Variants in TDRD9 observed in about 807,000 individuals in gnomAD.
The protein encoded by TDRD9 is ATP-dependent RNA helicase TDRD9.
A neutral mutation model predicts 172.6 loss-of-function variants in TDRD9; 124 were observed. That is an observed-to-expected ratio of 0.72 (90% CI 0.62 to 0.83). The LOEUF (loss-of-function observed/expected upper bound fraction) is 0.83. Ranked by LOEUF, TDRD9 falls within the 40% of genes least tolerant of loss-of-function variation. TDRD9 has a pLI of 0.00. For synonymous variants in TDRD9, 619 were observed against 617.1 expected (o/e 1.00, Z -0.05); for missense variants, 1,479 against 1,714.1 (o/e 0.86, Z 2.42).
chr14:104,022,292 G>C lies in TDRD9; in HGVS notation c.2568G>C (p.Lys856Asn). 1 of 1,613,788 alleles carries C rather than the reference G, an allele frequency of 6.2e-7. No individual in the cohort carries two copies. Among genetic ancestry groups the C allele is most frequent in the Non-Finnish European group, 8.5e-7 (1 of 1,179,820 alleles). The change falls in exon 24 of 36, where the codon AAG (lysine) becomes AAC (asparagine). Residue 856 changes from lysine (K) to asparagine (N), a missense_variant. Lys to Asn is a moderately conservative substitution (Grantham distance 94). This residue lies in a region of TDRD9 where 1,413 missense variants were observed against 1,649.1 expected (regional missense o/e 0.86). Coordinates refer to ENST00000409874, the MANE Select transcript of TDRD9 (RefSeq NM_153046.3). Reference sequence around the variant, plus strand: ...ATTCTGCAGAGGAAATTGAAGGGAAGGTGCAAGGCATGAACGTCTCAAAGC... The same window carrying C: ...ATTCTGCAGAGGAAATTGAAGGGAACGTGCAAGGCATGAACGTCTCAAAGC... ...SVHSAEEIEG[K>N]VQGMNVSKLR...
chr14:103,968,204 G>A (rs1448467164), intron 5 of TDRD9, among the ~76,000 whole-genome samples: 1 of 152,236 alleles, frequency 6.6e-6, no homozygotes, highest in Non-Finnish European at 1.5e-5. Flanking sequence ...CTCTTCGAGA[G>A]CTTGCCCTAC....
intron 1 of TDRD9, among the ~76,000 whole-genome samples, chr14:103,935,524 T>G (rs2030700614): frequency 1.3e-5 from 2 of 152,158 alleles, no homozygotes; most frequent in South Asian, 2.1e-4. Flanking sequence ...CATGTTCACT[T>G]TAAAATGCCT....
In TDRD9 at chr14:104,040,292, G is replaced by C. The variant is rs2035575553; in HGVS notation, c.3813G>C (p.Glu1271Asp). 1 of 1,551,690 alleles carries C rather than the reference G, an allele frequency of 6.4e-7. No homozygotes were observed. The change falls in exon 33 of 36, where the codon GAG (glutamate) becomes GAC (aspartate). Residue 1271 changes from glutamate (E) to aspartate (D), a missense_variant. Coordinates refer to ENST00000409874, the MANE Select transcript of TDRD9 (RefSeq NM_153046.3). ...CCATACTGCCCGAGCACGACATGGAGCTTGCGTTTGACGTTCAATTCAGCG... is the reference window on the plus strand; with the variant it reads ...CCATACTGCCCGAGCACGACATGGACCTTGCGTTTGACGTTCAATTCAGCG... ...GASILPEHDMELAFDVQFSVE... is the reference protein window; with the variant it reads ...GASILPEHDMDLAFDVQFSVE...
chr14:103,998,042 T>G (rs1275210523), intron 12 of TDRD9, among the ~76,000 whole-genome samples: 1 of 151,966 alleles, frequency 6.6e-6, no homozygotes, highest in Non-Finnish European at 1.5e-5. Context: ...TCCCCAGTGC[T>G]TTGCCTGTGT....
Position 104,024,593 on chromosome 14 carries a change from G to A in TDRD9, c.2631G>A (p.Gln877=). The A allele has an allele frequency of 6.2e-7, 1 of 1,609,770 alleles. No individual in the cohort carries two copies. The highest frequency in any genetic ancestry group is 8.5e-7 in the Non-Finnish European group (1 of 1,178,038). Residue 877 remains glutamine (Q), a synonymous_variant, in exon 25 of 36, where the codon CAG becomes CAA. Coordinates refer to ENST00000409874, the MANE Select transcript of TDRD9 (RefSeq NM_153046.3). The part of the protein sequence containing the change: ...NTRVNVDFQK[Q]TVDPMQVSFN... The stretch of plus-strand genomic sequence containing the variant: ...GGGTGAATGTGGACTTCCAGAAGCA[G>A]ACGGTAGATCCTATGCAAGTCTCCT...
chr14:104,036,439 A>G (rs1322886831), intron 32 of TDRD9, among the ~76,000 whole-genome samples: 1 of 152,210 alleles, frequency 6.6e-6, no homozygotes, highest in African/African-American at 2.4e-5. Flanking sequence ...CAGGAACCAC[A>G]CGTGGCAGTG....
intron 1 of TDRD9, chr14:103,941,550 T>C (rs1167794541): frequency 6.5e-7 from 1 of 1,535,444 alleles, no homozygotes; most frequent in Admixed American, 2.0e-5. Flanking sequence ...TTGTTCATTT[T>C]CGATTTCTTG....
At chr14:104,049,283 T>C (rs78130152) in intron 34 of TDRD9, 7,311 of 162,660 alleles carry the variant, frequency 0.045, 438 homozygotes, top group African/African-American at 0.14. Flanking sequence ...CTTGTCATGA[T>C]TGCTTGAGAG....
At chr14:103,996,707 A>T (rs983678709) in intron 12 of TDRD9, among the ~76,000 whole-genome samples, 1 of 152,174 alleles carries the variant, frequency 6.6e-6, no homozygotes, top group Non-Finnish European at 1.5e-5. Flanking sequence ...AGTAAGCAAA[A>T]TAGACAAAAA....
intron 22 of TDRD9, among the ~76,000 whole-genome samples, 192 bp downstream of exon 22, chr14:104,016,280 T>C (rs2034790121): frequency 6.6e-6 from 1 of 152,228 alleles, no homozygotes; most frequent in Non-Finnish European, 1.5e-5. Flanking sequence ...CTCAGTCTCT[T>C]GCCTCCTTTT....
At chr14:104,021,757 A>G (rs1402968890) in intron 23 of TDRD9, among the ~76,000 whole-genome samples, 1 of 152,190 alleles carries the variant, frequency 6.6e-6, no homozygotes, top group Non-Finnish European at 1.5e-5. Flanking sequence ...TCACTGAGCT[A>G]TATACATTTG....
At position 103,963,109 on chromosome 14, in the gene TDRD9, G is replaced by A. The variant is rs1383793877; in HGVS notation, c.353G>A (p.Ser118Asn). ...AGGCCATCTTTGGCTAAATTAAGCAGTGTGACATGCATCCCAGGGACAACT... is the reference window on the plus strand; with the variant it reads ...AGGCCATCTTTGGCTAAATTAAGCAATGTGACATGCATCCCAGGGACAACT... ...GPRPSLAKLS[S>N]VTCIPGTTYK... is the part of the protein sequence containing the mutation. The change falls in exon 3 of 36, where the codon AGT becomes AAT. Residue 118 changes from serine to asparagine, a missense_variant. Transcript: ENST00000409874. 1.9e-6 allele frequency: 3 copies of A among 1,549,718 alleles called. No individual in the cohort carries two copies. Among genetic ancestry groups the A allele is most frequent in the Admixed American group, 3.9e-5 (2 of 50,656 alleles).
At chr14:103,995,845 T>C in intron 12 of TDRD9, 38 bp downstream of exon 12, 2 of 1,551,072 alleles carry the variant, frequency 1.3e-6, no homozygotes, top group Non-Finnish European at 1.7e-6. Context: ...GCATTAGCTG[T>C]AGTGCCATAT....
chr14:104,031,468 G>GTTTTT (rs55696833), intron 29 of TDRD9, among the ~76,000 whole-genome samples: 3 of 105,104 alleles, frequency 2.9e-5, no homozygotes, highest in Non-Finnish European at 3.7e-5. Context: ...GCTTTGACTA[G>GTTTTT]TTTTTTTTTT....
chr14:103,935,258 G>A (rs980760967), intron 1 of TDRD9, among the ~76,000 whole-genome samples: 2 of 152,234 alleles, frequency 1.3e-5, no homozygotes. Context: ...CAAGAGATAG[G>A]ATGGTGGCTT....
intron 2 of TDRD9, among the ~76,000 whole-genome samples, chr14:103,958,486 T>A (rs2032351548): frequency 6.6e-6 from 1 of 152,188 alleles, no homozygotes; most frequent in Admixed American, 6.5e-5. Context: ...ATATATCACC[T>A]TCATGGTAAA....
In TDRD9 at chr14:104,026,777, G is replaced by T; in HGVS notation, c.3120G>T (p.Leu1040=). 6.2e-7 allele frequency: 1 copy of T among 1,613,972 alleles called. No homozygotes were observed. Among genetic ancestry groups the T allele is most frequent in the Admixed American group, 1.7e-5 (1 of 60,008 alleles). ...GGGCCAGCCAGTGGTTCGCCTCTCT[G>T]GTGAGCGGCTGCACCCTCCTTGTGA... The part of the protein sequence containing the change: ...SDGASQWFAS[L]VSGCTLLVKV... The change falls in exon 28 of 36, where the codon CTG becomes CTT. Residue 1040 remains leucine (L), a synonymous_variant. Transcript: ENST00000409874.
chr14:103,988,405 C>T (rs572663578), intron 8 of TDRD9, among the ~76,000 whole-genome samples: 3 of 152,238 alleles, frequency 2.0e-5, no homozygotes, highest in Admixed American at 6.5e-5. Flanking sequence ...ATCTCTTGAC[C>T]TCGTGATGCG....
At chr14:104,049,804 G>A in intron 35 of TDRD9, 124 bp downstream of exon 35, 2 of 770,220 alleles carry the variant, frequency 2.6e-6, no homozygotes, top group South Asian at 1.8e-5. Flanking sequence ...AGGAGGCAAA[G>A]TGGATGGCTT....
Sources: gnomAD v4.1 joint callset for allele counts (sites outside exome capture counted in the v4.1 genomes callset) on GRCh38, gnomAD v4.1.1 for gene constraint, gnomAD v4.1.1 regional missense constraint, MANE v1.5 for transcripts, NCBI Gene and HGNC (gene_info 2026-07-23, HGNC 2026-07-21) for gene names.